The following RAB12 variants were observed in gnomAD, a reference collection of about 807,000 sequenced individuals.
RAB12 encodes RAB12, member RAS oncogene family, also known as ras-related protein Rab-12.
A neutral mutation model predicts 28.4 loss-of-function variants in RAB12; 11 were observed. That is an observed-to-expected ratio of 0.39 (90% CI 0.24 to 0.64). The LOEUF (loss-of-function observed/expected upper bound fraction) is 0.64. Among genes scored for constraint, RAB12 ranks in the 30% least tolerant of loss-of-function variants. The probability of loss-of-function intolerance (pLI) is 0.50; values close to 1 mark genes in which losing one functional copy is unlikely to be tolerated. For missense variants in RAB12, 276 were observed against 351.1 expected (o/e 0.79, Z 1.71); for synonymous variants, 138 against 145.3 (o/e 0.95, Z 0.36).
rs145756128 is a variant in RAB12, at chr18:8,616,964, C to T, written c.514+7011C>T. ...AAACACTCCACCTTCTCCTTGGCCACCACTGTCTTCCCAAGCCATGGCACT... is the reference window on the plus strand; with the variant it reads ...AAACACTCCACCTTCTCCTTGGCCATCACTGTCTTCCCAAGCCATGGCACT... On this transcript the variant is annotated intron_variant, in intron 1 of 5. Transcript: ENST00000649141. Among the ~76,000 whole-genome samples, 177 of 152,182 alleles carry T rather than the reference C, an allele frequency of 1.2e-3. 2 individuals carry two copies. The highest frequency in any genetic ancestry group is 6.8e-3 in the Middle Eastern group (2 of 294).
At chr18:8,610,120 A>C in intron 1 of RAB12, 167 bp downstream of exon 1, 1 of 538,676 alleles carries the variant, frequency 1.9e-6, no homozygotes. Context: ...CCAATCCCAA[A>C]GCCTGGCAGA....
At chr18:8,615,553 C>T (rs2096006286) in intron 1 of RAB12, among the ~76,000 whole-genome samples, 1 of 152,176 alleles carries the variant, frequency 6.6e-6, no homozygotes, top group African/African-American at 2.4e-5. Flanking sequence ...TGGAGAGAAC[C>T]TCACACAGAC....
chr18:8,618,533 A>G (rs552128686), intron 1 of RAB12, among the ~76,000 whole-genome samples: 1 of 151,322 alleles, frequency 6.6e-6, no homozygotes, highest in South Asian at 2.1e-4. Flanking sequence ...TCTTTGAGAC[A>G]GAGCCTTGCT....
intron 1 of RAB12, among the ~76,000 whole-genome samples, chr18:8,611,420 A>ATTAC (rs2096003729): frequency 6.6e-6 from 1 of 152,168 alleles, no homozygotes; most frequent in Non-Finnish European, 1.5e-5. Context: ...TAGGTGGGTA[A>ATTAC]CTGAGGGCTT....
rs150040210 is a variant in RAB12 at position 8,637,798 on chromosome 18, TTAAAG to T, written c.910-347_910-343del. ...GTTATACGTATTTTATACCATGTTCTTAAAGTAAGCTAGAGAAAAGAAAATGTTAT... is the reference window on the plus strand; with the variant it reads ...GTTATACGTATTTTATACCATGTTCTTAAGCTAGAGAAAAGAAAATGTTAT... On this transcript the variant is annotated intron_variant, in intron 5 of 5. Coordinates refer to ENST00000649141, the MANE Select transcript of RAB12 (RefSeq NM_001025300.3). Among the ~76,000 whole-genome samples the T allele has an allele frequency of 3.8e-3, 576 of 152,328 alleles. 5 individuals carry two copies. Among genetic ancestry groups the T allele is most frequent in the African/African-American group, 0.014 (563 of 41,572 alleles).
intron 1 of RAB12, among the ~76,000 whole-genome samples, chr18:8,616,008 A>C (rs755717433): frequency 2.0e-5 from 3 of 152,214 alleles, no homozygotes; most frequent in Admixed American, 6.5e-5. Context: ...GATAGGTCCA[A>C]ATTATTCTCT....
chr18:8,626,592 A>T (rs534224484), intron 2 of RAB12, among the ~76,000 whole-genome samples: 21 of 152,348 alleles, frequency 1.4e-4, no homozygotes, highest in African/African-American at 5.1e-4. Context: ...TGCTGGTGAC[A>T]TTGTACACTC....
intron 1 of RAB12, among the ~76,000 whole-genome samples, chr18:8,612,135 A>G (rs969744899): frequency 1.3e-5 from 2 of 152,250 alleles, no homozygotes; most frequent in Admixed American, 6.5e-5. Flanking sequence ...GACTCTGTCC[A>G]GAAGTGGATC....
intron 2 of RAB12, among the ~76,000 whole-genome samples, chr18:8,631,001 G>C (rs1249509621): frequency 6.6e-6 from 1 of 152,262 alleles, no homozygotes; most frequent in Non-Finnish European, 1.5e-5. Context: ...CAATTCTCCT[G>C]CCTCAGCCTT....
At chr18:8,617,797 C>T (rs2096007504) in intron 1 of RAB12, among the ~76,000 whole-genome samples, 1 of 152,182 alleles carries the variant, frequency 6.6e-6, no homozygotes, top group African/African-American at 2.4e-5. Flanking sequence ...TGCCCTCATG[C>T]TCACCAGCTT....
chr18:8,626,620 T>C (rs1191116046), intron 2 of RAB12, among the ~76,000 whole-genome samples: 3 of 152,252 alleles, frequency 2.0e-5, no homozygotes, highest in Admixed American at 6.5e-5. Context: ...CTGACTACAA[T>C]GTCCTTGACT....
intron 1 of RAB12, among the ~76,000 whole-genome samples, chr18:8,613,698 G>C (rs1441140919): frequency 6.6e-6 from 1 of 152,126 alleles, no homozygotes; most frequent in Non-Finnish European, 1.5e-5. Flanking sequence ...CCCCGCCCTT[G>C]CTCCAACAGC....
intron 1 of RAB12, among the ~76,000 whole-genome samples, chr18:8,620,165 C>T (rs371468609): frequency 4.2e-3 from 317 of 75,264 alleles, no homozygotes; most frequent in South Asian, 6.0e-3. Context: ...TTTTTTGCTT[C>T]AAAAAAAAAA....
chr18:8,616,589 T>C (rs1000849652), intron 1 of RAB12, among the ~76,000 whole-genome samples: 3 of 152,114 alleles, frequency 2.0e-5, no homozygotes, highest in African/African-American at 7.2e-5. Context: ...GAGCTTTGTG[T>C]TTTTCGCTGG....
chr18:8,621,717 C>T (rs2096009973), intron 1 of RAB12, among the ~76,000 whole-genome samples: 2 of 151,924 alleles, frequency 1.3e-5, no homozygotes, highest in South Asian at 2.1e-4. Flanking sequence ...GTTTTGTCAC[C>T]CAGGCAGTGA....
chr18:8,618,436 A>G (rs1293118945), intron 1 of RAB12, among the ~76,000 whole-genome samples: 1 of 152,062 alleles, frequency 6.6e-6, no homozygotes, highest in African/African-American at 2.4e-5. Context: ...GTTAGATAGG[A>G]AAAGCCAGAT....
chr18:8,634,283 CTTT>C (rs752637908), intron 3 of RAB12, among the ~76,000 whole-genome samples: 1,052 of 92,600 alleles, frequency 0.011, 12 homozygotes, highest in African/African-American at 0.037. Context: ...CTCTCTCTCT[CTTT>C]TTTTTTTTTT....
At chr18:8,621,558 T>C (rs1598309674) in intron 1 of RAB12, among the ~76,000 whole-genome samples, 1 of 152,378 alleles carries the variant, frequency 6.6e-6, no homozygotes, top group East Asian at 1.9e-4. Flanking sequence ...ATTCATCTAC[T>C]CACTATAAGA....
intron 1 of RAB12, among the ~76,000 whole-genome samples, chr18:8,612,449 G>A (rs2096004354): frequency 6.6e-6 from 1 of 152,150 alleles, no homozygotes; most frequent in Non-Finnish European, 1.5e-5. Flanking sequence ...TTCATGTAGT[G>A]CAGTGAATTC....
Sources: gnomAD v4.1 joint callset for allele counts (sites outside exome capture counted in the v4.1 genomes callset) on GRCh38, gnomAD v4.1.1 for gene constraint, MANE v1.5 for transcripts, NCBI Gene and HGNC (gene_info 2026-07-23, HGNC 2026-07-21) for gene names.